Variants in SHISAL2B observed in about 807,000 individuals in gnomAD.
SHISAL2B encodes protein shisa-like-2B.
In SHISAL2B, 12 loss-of-function variants were observed where a neutral mutation model predicts 16.5. The observed-to-expected ratio is 0.73, with a 90% CI of 0.47 to 1.18. The LOEUF (loss-of-function observed/expected upper bound fraction) is 1.18. Ranked by LOEUF, SHISAL2B falls within the 50% of genes most tolerant of loss-of-function variation. The pLI, the probability that SHISAL2B is intolerant of heterozygous loss-of-function variation, is 0.00. For synonymous variants in SHISAL2B, 72 were observed against 75.0 expected, an observed-to-expected ratio of 0.96 and a Z score of 0.21; for missense variants, 183 against 193.6, an observed-to-expected ratio of 0.95 and a Z score of 0.33.
chr5:64,697,717 AC>A (rs1396872845), intron 2 of SHISAL2B, among the ~76,000 whole-genome samples: 1 of 152,200 alleles, frequency 6.6e-6, no homozygotes, highest in Non-Finnish European at 1.5e-5. Context: ...ATTTAGAATG[AC>A]ACACAAGTGC....
intron 2 of SHISAL2B, among the ~76,000 whole-genome samples, chr5:64,700,504 T>C (rs1037747971): frequency 6.6e-6 from 1 of 152,154 alleles, no homozygotes; most frequent in Non-Finnish European, 1.5e-5. Flanking sequence ...TCTGCCTCCC[T>C]GTTTCAAGCC....
rs371792307 is a variant in SHISAL2B, at chr5:64,692,214, C to T, written c.191+1400C>T. ...GGGTCATTGGAGGCGTTACTAATGG[C>T]AGAAGCACCTCCAACAGGGACTGGC... On this transcript the variant is annotated intron_variant, in intron 1 of 2. Coordinates refer to ENST00000389074, the MANE Select transcript of SHISAL2B (RefSeq NM_001164442.2). 4.1e-4 allele frequency among the ~76,000 whole-genome samples: 63 copies of T among 152,276 alleles called. No homozygotes were observed. The East Asian group carries it at 9.5e-3, about 23-fold the overall frequency.
intron 2 of SHISAL2B, among the ~76,000 whole-genome samples, chr5:64,698,727 TA>T (rs1741770601): frequency 6.6e-6 from 1 of 152,226 alleles, no homozygotes; most frequent in Non-Finnish European, 1.5e-5. Flanking sequence ...CCACTCCAAC[TA>T]GAAACTAAGT....
At chr5:64,705,704 C>A (rs1301451240) in intron 2 of SHISAL2B, among the ~76,000 whole-genome samples, 5 of 152,050 alleles carry the variant, frequency 3.3e-5, no homozygotes, top group Admixed American at 3.3e-4. Context: ...AATGTGAATC[C>A]AAAATATCTG....
At chr5:64,698,671 C>T (rs948323579) in intron 2 of SHISAL2B, among the ~76,000 whole-genome samples, 8 of 152,186 alleles carry the variant, frequency 5.3e-5, no homozygotes, top group Non-Finnish European at 1.2e-4. Flanking sequence ...TAGGCACTTA[C>T]CATTAACATA....
intron 2 of SHISAL2B, 88 bp from the exon 3 acceptor site, chr5:64,717,801 T>A (rs1461846014): frequency 8.5e-7 from 1 of 1,181,994 alleles, no homozygotes; most frequent in East Asian, 2.7e-5. Flanking sequence ...TTTTCAATAT[T>A]GCTACAAAAA....
At chr5:64,714,974 G>A (rs935242948) in intron 2 of SHISAL2B, among the ~76,000 whole-genome samples, 3 of 152,234 alleles carry the variant, frequency 2.0e-5, no homozygotes, top group Middle Eastern at 3.4e-3. Flanking sequence ...CGGTACCTCA[G>A]ATGGAAATGC....
chr5:64,702,239 C>T (rs1741818406), intron 2 of SHISAL2B, among the ~76,000 whole-genome samples: 1 of 151,104 alleles, frequency 6.6e-6, no homozygotes, highest in African/African-American at 2.4e-5. Flanking sequence ...TTGCTCTTGT[C>T]GGCCAGGCTG....
chr5:64,715,013 C>G (rs1580528957), intron 2 of SHISAL2B, among the ~76,000 whole-genome samples: 1 of 152,086 alleles, frequency 6.6e-6, no homozygotes, highest in African/African-American at 2.4e-5. Context: ...GCGTCGCTCA[C>G]GCTGGGAGCT....
intron 2 of SHISAL2B, among the ~76,000 whole-genome samples, chr5:64,708,240 T>C (rs1437062188): frequency 1.3e-5 from 2 of 152,166 alleles, no homozygotes. Context: ...TCCTGTATGA[T>C]TTCTATACCA....
At chr5:64,708,733 A>T (rs1477692325) in intron 2 of SHISAL2B, among the ~76,000 whole-genome samples, 2 of 152,062 alleles carry the variant, frequency 1.3e-5, no homozygotes, top group Admixed American at 1.3e-4. Context: ...ATTTATTTTA[A>T]ATATCTTTGC....
At chr5:64,695,855 A>T (rs540622507) in intron 2 of SHISAL2B, among the ~76,000 whole-genome samples, 191 bp downstream of exon 2, 221 of 152,366 alleles carry the variant, frequency 1.5e-3, no homozygotes, top group African/African-American at 5.0e-3. Context: ...TGAAGGAAAA[A>T]TAGCAGCAGG....
chr5:64,690,974 G>A lies in SHISAL2B; in HGVS notation c.191+160G>A, dbSNP rs569691471. On this transcript the variant is annotated intron_variant, in intron 1 of 2. Transcript: ENST00000389074. ...CGCGGAGCCTCTGAGGGCGGGTGAGGGCAGGGAGAGAAATCTCGCCCCGGC... is the reference window on the plus strand; with the variant it reads ...CGCGGAGCCTCTGAGGGCGGGTGAGAGCAGGGAGAGAAATCTCGCCCCGGC... Among the ~76,000 whole-genome samples, 6 of 152,360 alleles carry A rather than the reference G, an allele frequency of 3.9e-5. No individual in the cohort carries two copies. The South Asian group carries it at 1.0e-3, about 26-fold the overall frequency.
At chr5:64,712,832 G>A (rs1380983024) in intron 2 of SHISAL2B, among the ~76,000 whole-genome samples, 1 of 150,806 alleles carries the variant, frequency 6.6e-6, no homozygotes, top group Non-Finnish European at 1.5e-5. Context: ...TTGGTTTGAA[G>A]TCTGTTTTAT....
chr5:64,690,514 CG>C lies in SHISAL2B; in HGVS notation c.-108del. Reference sequence around the variant, plus strand: ...GCGCCCAGGCAGCCAGAGCCCAGATCGGAAGAGCCGAGTCCGGGCAGAGGGG... The same window carrying C: ...GCGCCCAGGCAGCCAGAGCCCAGATCGAAGAGCCGAGTCCGGGCAGAGGGG... On this transcript the variant is annotated 5_prime_UTR_variant, in exon 1 of 3. Transcript: ENST00000389074. The C allele has an allele frequency of 1.2e-6, 1 of 852,320 alleles. No individual in the cohort carries two copies. Among genetic ancestry groups the C allele is most frequent in the South Asian group, 2.9e-5 (1 of 34,668 alleles). 52.8% of individuals were successfully genotyped at this position (852,320 alleles called of 1,614,324 possible). A position where few individuals can be genotyped will look rare whatever the true frequency, so the allele number is the denominator to read the frequency against.
chr5:64,693,945 G>T, intron 1 of SHISAL2B: 2 of 348,732 alleles, frequency 5.7e-6, no homozygotes, highest in South Asian at 2.3e-5. Flanking sequence ...TCTCTTCTTT[G>T]CAGGGGTGCT....
chr5:64,714,329 G>A (rs1742004128), intron 2 of SHISAL2B, among the ~76,000 whole-genome samples: 2 of 141,326 alleles, frequency 1.4e-5, no homozygotes, highest in Non-Finnish European at 3.0e-5. Flanking sequence ...CCTGCTGGGG[G>A]GTGCCTCCCA....
At chr5:64,713,127 C>T (rs903078309) in intron 2 of SHISAL2B, among the ~76,000 whole-genome samples, 5 of 142,160 alleles carry the variant, frequency 3.5e-5, no homozygotes, top group Non-Finnish European at 7.7e-5. Context: ...GCAGTTTCTT[C>T]CTAGTCTCGA....
rs565251630 is a variant in SHISAL2B at position 64,715,328 on chromosome 5, G to A, written c.350-2561G>A. Among the ~76,000 whole-genome samples, 6 of 152,128 alleles carry A rather than the reference G, an allele frequency of 3.9e-5. No homozygotes were observed. The East Asian group carries it at 1.2e-3, about 29-fold the overall frequency. ...TTAAAAACTCATATCCAGAAGACAT[G>A]CTATATGGTGAAAAGAAGAGGATGT... On this transcript the variant is annotated intron_variant, in intron 2 of 2. Transcript: ENST00000389074.
Sources: gnomAD v4.1 joint callset for allele counts (sites outside exome capture counted in the v4.1 genomes callset) on GRCh38, gnomAD v4.1.1 for gene constraint, MANE v1.5 for transcripts, NCBI Gene and HGNC (gene_info 2026-07-23, HGNC 2026-07-21) for gene names.